The following PLEKHA5 variants were observed in gnomAD, a reference collection of about 807,000 sequenced individuals.
The protein encoded by PLEKHA5 is pleckstrin homology domain-containing family A member 5.
PLEKHA5 carries 55 observed loss-of-function variants against 181.9 expected under a neutral mutation model. The ratio of observed to expected loss-of-function variants is 0.30; its 90% confidence interval spans 0.24 to 0.38. The LOEUF (loss-of-function observed/expected upper bound fraction) is 0.38. Ranked by LOEUF, PLEKHA5 falls within the 10% of genes least tolerant of loss-of-function variation. The probability of loss-of-function intolerance (pLI) is 1.00; values close to 1 mark genes in which losing one functional copy is unlikely to be tolerated. For missense variants in PLEKHA5, 1,432 were observed against 1,549.5 expected (o/e 0.92, Z 1.27); for synonymous variants, 535 against 529.4 (o/e 1.01, Z -0.15).
In PLEKHA5 at chr12:19,274,785, A is replaced by G. The variant is rs776852186; in HGVS notation, c.1115A>G (p.Tyr372Cys). Reference protein sequence around the residue: ...GSACPAQTVHYRPINLSSSEN... With the variant: ...GSACPAQTVHCRPINLSSSEN... ...GCATGCCCTGCTCAGACTGTGCACTACAGACCAATCAACTTGAGCAGTTCA... is the reference window on the plus strand; with the variant it reads ...GCATGCCCTGCTCAGACTGTGCACTGCAGACCAATCAACTTGAGCAGTTCA... Residue 372 changes from tyrosine to cysteine, a missense_variant, in exon 11 of 32, where the codon TAC (tyrosine) becomes TGC (cysteine). By Grantham distance (194) the Tyr-to-Cys change is radical (BLOSUM62 -2). This residue lies in a region of PLEKHA5 where 1,143 missense variants were observed against 1,168.4 expected (regional missense o/e 0.98). Coordinates refer to ENST00000429027, the MANE Select transcript of PLEKHA5 (RefSeq NM_001256470.2). The G allele has an allele frequency of 6.8e-6, 11 of 1,614,094 alleles. No homozygotes were observed. The highest frequency in any genetic ancestry group is 9.3e-6 in the Non-Finnish European group (11 of 1,180,030).
intron 6 of PLEKHA5, among the ~76,000 whole-genome samples, chr12:19,258,561 C>CTTTTTTTTTTTTTTTTTTTTT (rs71440398): frequency 1.6e-5 from 2 of 123,798 alleles, no homozygotes; most frequent in Non-Finnish European, 1.6e-5. Flanking sequence ...TTTTCTTTTT[C>CTTTTTTTTTTTTTTTTTTTTT]TTTTTTTTTT....
At chr12:19,223,650 A>G (rs1057284856) in intron 3 of PLEKHA5, among the ~76,000 whole-genome samples, 2 of 152,214 alleles carry the variant, frequency 1.3e-5, no homozygotes, top group African/African-American at 2.4e-5. Flanking sequence ...TAATAGGTAT[A>G]AAAATGGTCA....
chr12:19,252,513 T>C (rs947493619), intron 3 of PLEKHA5, among the ~76,000 whole-genome samples: 6 of 152,162 alleles, frequency 3.9e-5, no homozygotes, highest in African/African-American at 1.4e-4. Context: ...TAGGGTTTTT[T>C]TCCTTCTTTC....
chr12:19,255,097 A>G lies in PLEKHA5; in HGVS notation c.364A>G (p.Ile122Val). 1.2e-6 allele frequency: 2 copies of G among 1,610,312 alleles called. No homozygotes were observed. Among genetic ancestry groups the G allele is most frequent in the Non-Finnish European group, 1.7e-6 (2 of 1,177,066 alleles). The change falls in exon 5 of 32, where the codon ATA becomes GTA. Residue 122 changes from isoleucine (I) to valine (V), a missense_variant. By Grantham distance (29) the Ile-to-Val change is conservative (BLOSUM62 3). Transcript: ENST00000429027. ...AAAGAAGGAACGGCCAATAAGTATGATAAATGAAGCTTCTAACTATAACGT... is the reference window on the plus strand; with the variant it reads ...AAAGAAGGAACGGCCAATAAGTATGGTAAATGAAGCTTCTAACTATAACGT... ...EEKKERPISMINEASNYNVTS... is the reference protein window; with the variant it reads ...EEKKERPISMVNEASNYNVTS...
chr12:19,239,210 A>G (rs2061986057), intron 3 of PLEKHA5, among the ~76,000 whole-genome samples: 3 of 152,220 alleles, frequency 2.0e-5, no homozygotes, highest in African/African-American at 4.8e-5. Context: ...TAGAGATTCC[A>G]TCTTCACTCT....
At chr12:19,160,128 GTATT>G (rs1179413040) in intron 3 of PLEKHA5, among the ~76,000 whole-genome samples, 17 of 151,982 alleles carry the variant, frequency 1.1e-4, no homozygotes, top group East Asian at 3.9e-4. Context: ...TTTTTAGTAT[GTATT>G]AAGTAAATAA....
At chr12:19,169,226 TA>T (rs1565893073) in intron 3 of PLEKHA5, among the ~76,000 whole-genome samples, 1 of 151,080 alleles carries the variant, frequency 6.6e-6, no homozygotes, top group Non-Finnish European at 1.5e-5. Context: ...TGAATTTAAG[TA>T]AAGGTCTGTT....
chr12:19,367,181 C>T (rs12814372), intron 30 of PLEKHA5, among the ~76,000 whole-genome samples: 14,608 of 151,700 alleles, frequency 0.096, 753 homozygotes, highest in Middle Eastern at 0.12. Context: ...CCACCATGCC[C>T]GGCCCTTTTA....
intron 3 of PLEKHA5, among the ~76,000 whole-genome samples, chr12:19,247,769 G>A (rs887549204): frequency 6.6e-6 from 1 of 151,172 alleles, no homozygotes; most frequent in Non-Finnish European, 1.5e-5. Context: ...AAAAAAAAAG[G>A]TAGGGGGTGA....
intron 21 of PLEKHA5, among the ~76,000 whole-genome samples, chr12:19,340,430 C>CTG (rs2093787827): frequency 1.9e-5 from 2 of 107,926 alleles, no homozygotes; most frequent in Non-Finnish European, 4.6e-5. Context: ...CTCTGCCCGG[C>CTG]CACCACCCCG....
intron 3 of PLEKHA5, among the ~76,000 whole-genome samples, chr12:19,183,567 G>T (rs976397690): frequency 1.1e-4 from 16 of 152,090 alleles, no homozygotes; most frequent in Non-Finnish European, 2.4e-4. Context: ...ATGTTAAGAG[G>T]CATGTCACTG....
chr12:19,251,875 C>T (rs2065423975), intron 3 of PLEKHA5, among the ~76,000 whole-genome samples: 1 of 152,070 alleles, frequency 6.6e-6, no homozygotes, highest in East Asian at 1.9e-4. Flanking sequence ...ATTGTCTTCC[C>T]TTCCCTGCCC....
chr12:19,253,681 G>A (rs1019519871), intron 3 of PLEKHA5, among the ~76,000 whole-genome samples: 1 of 151,826 alleles, frequency 6.6e-6, no homozygotes, highest in Non-Finnish European at 1.5e-5. Context: ...AACTGGGCGC[G>A]TGATGGTGGG....
At position 19,255,116 on chromosome 12, in the gene PLEKHA5, A is replaced by G. The variant is rs775722790; in HGVS notation, c.383A>G (p.Tyr128Cys). The change falls in exon 5 of 32, where the codon TAT becomes TGT. Residue 128 changes from tyrosine (Y) to cysteine (C), a missense_variant. Around this residue, in one of 2 missense-constraint regions of PLEKHA5, gnomAD observed 289 missense variants for 381.1 expected, o/e 0.76. Coordinates refer to ENST00000429027, the MANE Select transcript of PLEKHA5 (RefSeq NM_001256470.2). ...AGTATGATAAATGAAGCTTCTAACT[A>G]TAACGTGACTTCAGATTATGCAGTG... is the stretch of plus-strand genomic sequence containing the variant. ...PISMINEASN[Y>C]NVTSDYAVHP... is the part of the protein sequence containing the mutation. 7 of 1,609,930 alleles carry G rather than the reference A, an allele frequency of 4.3e-6. No individual in the cohort carries two copies. The highest frequency in any genetic ancestry group is 5.9e-6 in the Non-Finnish European group (7 of 1,176,922).
intron 15 of PLEKHA5, among the ~76,000 whole-genome samples, chr12:19,299,241 T>G (rs945891684): frequency 6.6e-6 from 1 of 152,224 alleles, no homozygotes; most frequent in Non-Finnish European, 1.5e-5. Flanking sequence ...TGGAATTAAA[T>G]GTACTTTAAA....
intron 3 of PLEKHA5, chr12:19,200,519 T>C: frequency 7.4e-7 from 1 of 1,358,170 alleles, no homozygotes; most frequent in Non-Finnish European, 9.5e-7. Flanking sequence ...AATCTTTGAT[T>C]ACTCACCTCA....
At chr12:19,365,110 G>A (rs562426903) in intron 29 of PLEKHA5, among the ~76,000 whole-genome samples, 19 of 152,202 alleles carry the variant, frequency 1.2e-4, no homozygotes, top group African/African-American at 4.3e-4. Flanking sequence ...AGTAGGTCAC[G>A]CCTGTAATCC....
At chr12:19,158,509 C>A (rs974858916) in intron 3 of PLEKHA5, among the ~76,000 whole-genome samples, 1 of 152,082 alleles carries the variant, frequency 6.6e-6, no homozygotes, top group African/African-American at 2.4e-5. Flanking sequence ...ATGTCCTCTT[C>A]TTGATTTTTC....
chr12:19,244,399 T>C (rs1382434838), intron 3 of PLEKHA5, among the ~76,000 whole-genome samples: 1 of 152,254 alleles, frequency 6.6e-6, no homozygotes, highest in Non-Finnish European at 1.5e-5. Flanking sequence ...CATAGTTTTC[T>C]TCATAGAGAA....
Sources: allele counts gnomAD v4.1 joint callset (sites outside exome capture counted in the v4.1 genomes callset), GRCh38; gene constraint gnomAD v4.1.1; regional missense constraint gnomAD v4.1.1; transcripts MANE v1.5; gene names NCBI Gene and HGNC (gene_info 2026-07-23, HGNC 2026-07-21).